Variants in JADE1 observed in about 807,000 individuals in gnomAD.
JADE1 encodes the protein protein Jade-1.
A neutral mutation model predicts 81.8 loss-of-function variants in JADE1; 14 were observed. That is an observed-to-expected ratio of 0.17 (90% CI 0.11 to 0.27). The LOEUF is 0.27. Ranked by LOEUF, JADE1 falls within the 10% of genes least tolerant of loss-of-function variation. The pLI is 1.00. For synonymous variants in JADE1, 353 were observed against 391.9 expected (o/e 0.90, Z 1.17); for missense variants, 690 against 1,047.9 (o/e 0.66, Z 4.71).
chr4:128,817,544 T>C (rs948031257), intron 1 of JADE1, among the ~76,000 whole-genome samples: 3 of 152,232 alleles, frequency 2.0e-5, no homozygotes, highest in African/African-American at 7.2e-5. Context: ...GAAATAGCAA[T>C]GTTATTAGCA....
intron 7 of JADE1, among the ~76,000 whole-genome samples, 176 bp from the exon 8 acceptor site, chr4:128,857,162 A>T: frequency 6.6e-6 from 1 of 152,182 alleles, no homozygotes; most frequent in Non-Finnish European, 1.5e-5. Context: ...CTGTGAGCTC[A>T]GTTGTCACTG....
intron 10 of JADE1, among the ~76,000 whole-genome samples, chr4:128,869,204 G>A (rs554216755): frequency 6.6e-6 from 1 of 152,250 alleles, no homozygotes; most frequent in Admixed American, 6.5e-5. Flanking sequence ...CCAAGATTAA[G>A]TATTTTCCAG....
intron 2 of JADE1, among the ~76,000 whole-genome samples, chr4:128,837,821 C>T (rs1447294641): frequency 6.6e-6 from 1 of 152,182 alleles, no homozygotes; most frequent in Non-Finnish European, 1.5e-5. Context: ...AGAGCAGTGA[C>T]TGAGACAGGA....
Position 128,846,569 on chromosome 4 carries a change from C to T in JADE1, c.296+37C>T. On this transcript the variant is annotated intron_variant, in intron 4 of 10. Coordinates refer to ENST00000226319, the MANE Select transcript of JADE1 (RefSeq NM_199320.4). The surrounding 1 kb of genome is among the most constrained non-coding windows in gnomAD (Gnocchi z 4.0). Reference sequence around the variant, plus strand: ...CTGAGGACAGAAGCCTCTCCACCCACCCTTGCTCTTCTTCCCTGACAGCAG... The same window carrying T: ...CTGAGGACAGAAGCCTCTCCACCCATCCTTGCTCTTCTTCCCTGACAGCAG... 3 of 1,607,188 alleles carry T rather than the reference C, an allele frequency of 1.9e-6. No homozygotes were observed. The highest frequency in any genetic ancestry group is 1.3e-5 in the African/African-American group (1 of 74,832).
At chr4:128,860,661 A>G (rs964055055) in intron 8 of JADE1, among the ~76,000 whole-genome samples, 1 of 152,208 alleles carries the variant, frequency 6.6e-6, no homozygotes, top group African/African-American at 2.4e-5. Context: ...GCTCAGCAAG[A>G]TCAGTGGAGG....
At chr4:128,812,031 A>G (rs1043652539) in intron 1 of JADE1, 3 of 151,602 alleles carry the variant, frequency 2.0e-5, no homozygotes, top group African/African-American at 7.3e-5. Context: ...CAGCGGCGCA[A>G]GTGGCTTCTG....
Position 128,871,572 on chromosome 4 carries a change from G to A in JADE1, c.1839G>A (p.Lys613=), listed in dbSNP as rs766574226. 20 of 1,614,056 alleles carry A rather than the reference G, an allele frequency of 1.2e-5. No individual in the cohort carries two copies. The highest frequency in any genetic ancestry group is 1.7e-6 in the Non-Finnish European group (2 of 1,180,040). ...SPGSEGKTLL[K]QPDLCGRREG... ...GAAGTGAAGGCAAAACCCTGCTGAAGCAGCCAGACCTGTGTGGTAGAAGGG... is the reference window on the plus strand; with the variant it reads ...GAAGTGAAGGCAAAACCCTGCTGAAACAGCCAGACCTGTGTGGTAGAAGGG... The change falls in exon 11 of 11, where the codon AAG becomes AAA. Residue 613 remains lysine (K), a synonymous_variant. Coordinates refer to ENST00000226319, the MANE Select transcript of JADE1 (RefSeq NM_199320.4). This position sits in a 1 kb window ranked among gnomAD's most constrained non-coding sequence, Gnocchi z 4.1.
In JADE1 at chr4:128,846,699, C is replaced by T. The variant is rs188664343; in HGVS notation, c.296+167C>T. Among the ~76,000 whole-genome samples the T allele has an allele frequency of 6.6e-6, 1 of 152,340 alleles. No homozygotes were observed. The highest frequency in any genetic ancestry group is 2.4e-5 in the African/African-American group (1 of 41,578). On this transcript the variant is annotated intron_variant, in intron 4 of 10. Coordinates refer to ENST00000226319, the MANE Select transcript of JADE1 (RefSeq NM_199320.4). The surrounding 1 kb of genome is among the most constrained non-coding windows in gnomAD (Gnocchi z 4.0). ...ATAGAAATTCAGGAGCAACATACTT[C>T]AGGCATACAGGGTAGTGGTTTTGAG...
At position 128,831,757 on chromosome 4, in the gene JADE1, T is replaced by A. The variant is rs375539603; in HGVS notation, c.-2T>A. 8 of 1,614,018 alleles carry A rather than the reference T, an allele frequency of 5.0e-6. No individual in the cohort carries two copies. The highest frequency in any genetic ancestry group is 5.9e-6 in the Non-Finnish European group (7 of 1,180,046). On this transcript the variant is annotated 5_prime_UTR_variant, in exon 2 of 11. Transcript: ENST00000226319. The stretch of plus-strand genomic sequence containing the variant: ...GGCTGCCTGCTGTTTCCCGGGGAGA[T>A]CATGAAACGAGGTCGCCTTCCCAGC...
intron 3 of JADE1, 80 bp downstream of exon 3, chr4:128,843,118 G>A: frequency 8.8e-7 from 1 of 1,139,116 alleles, no homozygotes; most frequent in South Asian, 1.4e-5. Flanking sequence ...TATTTGTGCA[G>A]TCCTGGGCAA....
chr4:128,843,725 G>A (rs1484898531), intron 3 of JADE1, among the ~76,000 whole-genome samples: 1 of 152,186 alleles, frequency 6.6e-6, no homozygotes, highest in Admixed American at 6.5e-5. Flanking sequence ...AAGTGAGAAG[G>A]TTATAGGAAG....
At chr4:128,861,226 A>T (rs1028070697) in intron 8 of JADE1, among the ~76,000 whole-genome samples, 20 of 152,118 alleles carry the variant, frequency 1.3e-4, no homozygotes, top group African/African-American at 4.8e-4. Context: ...ATTCTTTTGA[A>T]TATGATCCTA....
In JADE1 at chr4:128,867,793, A is replaced by T; in HGVS notation, c.1504-63A>T. On this transcript the variant is annotated intron_variant, in intron 9 of 10. Transcript: ENST00000226319. Reference sequence around the variant, plus strand: ...AATTTCTCTTAGGTAAAGAAATTTAAAAAGCACCAAAGTACTGTTATACTG... The same window carrying T: ...AATTTCTCTTAGGTAAAGAAATTTATAAAGCACCAAAGTACTGTTATACTG... 7 of 1,072,724 alleles carry T rather than the reference A, an allele frequency of 6.5e-6. No homozygotes were observed. The South Asian group carries it at 1.0e-4, about 16-fold the overall frequency. 66.5% of individuals were successfully genotyped at this position (1,072,724 alleles called of 1,614,324 possible).
intron 9 of JADE1, chr4:128,862,637 G>A: frequency 9.8e-7 from 1 of 1,020,130 alleles, no homozygotes; most frequent in South Asian, 3.8e-5. Flanking sequence ...AATGGAGGGG[G>A]CCAGAGATGG....
rs1410930305 is a variant in JADE1 at position 128,873,687 on chromosome 4, C to T, written c.*1425C>T. 1 of 152,236 alleles carries T rather than the reference C, an allele frequency of 6.6e-6. No individual in the cohort carries two copies. Among genetic ancestry groups the T allele is most frequent in the Admixed American group, 6.5e-5 (1 of 15,274 alleles). The allele number at this position is 152,236 out of a possible 1,614,324, so 9.4% of individuals were successfully genotyped here. A position where few individuals can be genotyped will look rare whatever the true frequency, so the allele number is the denominator to read the frequency against. ...TAGCAATGAGATACAGAATTATGGG[C>T]CTTTGGAACAAGCCCGACTTCCCCT... On this transcript the variant is annotated 3_prime_UTR_variant, in exon 11 of 11. Transcript: ENST00000226319.
chr4:128,867,692 A>G (rs1731883388), intron 9 of JADE1, among the ~76,000 whole-genome samples, 164 bp from the exon 10 acceptor site: 1 of 152,224 alleles, frequency 6.6e-6, no homozygotes, highest in South Asian at 2.1e-4. Context: ...TATCTGCCCA[A>G]AAGGAGATCA....
At position 128,839,506 on chromosome 4, in the gene JADE1, G is replaced by A. The variant is rs538610570; in HGVS notation, c.53-3447G>A. ...ATATTTAAATTGTGTACTTTGATAC[G>A]TTTTGACATGTTTATACCCATGAAA... On this transcript the variant is annotated intron_variant, in intron 2 of 10. Transcript: ENST00000226319. Among the ~76,000 whole-genome samples the A allele has an allele frequency of 7.2e-5, 11 of 152,282 alleles. No homozygotes were observed. The East Asian group carries it at 1.7e-3, about 24-fold the overall frequency.
At chr4:128,821,564 G>A (rs1200788438) in intron 1 of JADE1, among the ~76,000 whole-genome samples, 2 of 149,734 alleles carry the variant, frequency 1.3e-5, no homozygotes, top group Non-Finnish European at 3.0e-5. Flanking sequence ...GCACGATCTC[G>A]GCTTACTGCA....
At chr4:128,819,302 C>T (rs1727340589) in intron 1 of JADE1, among the ~76,000 whole-genome samples, 5 of 151,986 alleles carry the variant, frequency 3.3e-5, no homozygotes, top group Non-Finnish European at 1.5e-5. Flanking sequence ...GGCAGGCTCT[C>T]TCTGCTGCTC....
Sources: allele counts gnomAD v4.1 joint callset (sites outside exome capture counted in the v4.1 genomes callset), GRCh38; gene constraint gnomAD v4.1.1; non-coding constraint Gnocchi (gnomAD v3.1); transcripts MANE v1.5; gene names NCBI Gene and HGNC (gene_info 2026-07-23, HGNC 2026-07-21).